The following ATRNL1 variants were observed in gnomAD, a reference collection of about 807,000 sequenced individuals.
ATRNL1 encodes the protein attractin like 1.
A neutral mutation model predicts 182.7 loss-of-function variants in ATRNL1; 95 were observed. The observed-to-expected ratio is 0.52, with a 90% CI of 0.44 to 0.62. The LOEUF is 0.62. Ranked by LOEUF, ATRNL1 falls within the 20% of genes least tolerant of loss-of-function variation. ATRNL1 has a pLI of 0.00. For synonymous variants in ATRNL1, 576 were observed against 568.3 expected, an observed-to-expected ratio of 1.01 and a Z score of -0.19; for missense variants, 1,471 against 1,679.5, an observed-to-expected ratio of 0.88 and a Z score of 2.17.
At chr10:115,727,171 A>T in intron 26 of ATRNL1, 77 bp from the exon 27 acceptor site, 1 of 992,304 alleles carries the variant, frequency 1.0e-6, no homozygotes, top group South Asian at 1.4e-5. Flanking sequence ...CATTTGTTAA[A>T]AGAGGGAACC....
intron 27 of ATRNL1, among the ~76,000 whole-genome samples, chr10:115,772,851 T>G (rs1419740566): frequency 6.6e-6 from 1 of 152,160 alleles, no homozygotes; most frequent in Non-Finnish European, 1.5e-5. Flanking sequence ...ACCTGCATGA[T>G]TCAGCTGTAC....
At chr10:115,255,164 C>T (rs1554906422) in intron 10 of ATRNL1, among the ~76,000 whole-genome samples, 4 of 152,128 alleles carry the variant, frequency 2.6e-5, no homozygotes, top group African/African-American at 9.7e-5. Context: ...TTTTCCAATT[C>T]TGTGAAGAAA....
chr10:115,169,409 A>T (rs763502934), intron 7 of ATRNL1, among the ~76,000 whole-genome samples: 1 of 151,812 alleles, frequency 6.6e-6, no homozygotes, highest in Non-Finnish European at 1.5e-5. Context: ...GGGTTTCACC[A>T]TGTTGGCCAG....
intron 25 of ATRNL1, among the ~76,000 whole-genome samples, chr10:115,529,061 G>T (rs1010484708): frequency 2.0e-5 from 3 of 151,798 alleles, no homozygotes; most frequent in African/African-American, 7.3e-5. Flanking sequence ...TGTCTTCTGT[G>T]CCCATCAGGA....
At chr10:115,595,235 C>A (rs1055978001) in intron 26 of ATRNL1, among the ~76,000 whole-genome samples, 7 of 151,892 alleles carry the variant, frequency 4.6e-5, no homozygotes, top group Non-Finnish European at 5.9e-5. Flanking sequence ...TTTCTTCCTT[C>A]ATATTCTTCC....
chr10:115,909,533 T>C (rs954909556), intron 28 of ATRNL1: 1 of 150,366 alleles, frequency 6.7e-6, no homozygotes, highest in Non-Finnish European at 1.5e-5. Context: ...AAACCAGATC[T>C]GCTTGCCAGG....
At chr10:115,564,667 G>A (rs1853964687) in intron 26 of ATRNL1, among the ~76,000 whole-genome samples, 2 of 151,928 alleles carry the variant, frequency 1.3e-5, no homozygotes, top group South Asian at 4.2e-4. Context: ...ATGTTTCAGA[G>A]TTCAACATTG....
chr10:115,219,208 G>A lies in ATRNL1; in HGVS notation c.1532+3328G>A, dbSNP rs372403590. ...GATCGCGCCACTGCACTCCAGTCTG[G>A]GTGACAGAGTGAGACTCCATCTCAA... On this transcript the variant is annotated intron_variant, in intron 9 of 28. Coordinates refer to ENST00000355044, the MANE Select transcript of ATRNL1 (RefSeq NM_207303.4). 6.6e-5 allele frequency among the ~76,000 whole-genome samples: 10 copies of A among 150,588 alleles called. No individual in the cohort carries two copies. In the East Asian group the frequency reaches 1.6e-3, roughly 23 times the overall value.
At chr10:115,467,318 T>G (rs1417081717) in intron 23 of ATRNL1, 66 bp downstream of exon 23, 27 of 1,107,310 alleles carry the variant, frequency 2.4e-5, no homozygotes, top group Non-Finnish European at 3.4e-5. Flanking sequence ...TCTAACATGA[T>G]CTACTGTTAA....
At chr10:115,204,647 C>T (rs1226022608) in intron 8 of ATRNL1, among the ~76,000 whole-genome samples, 1 of 152,022 alleles carries the variant, frequency 6.6e-6, no homozygotes, top group Non-Finnish European at 1.5e-5. Flanking sequence ...CATTTTATCA[C>T]AGTGAATTAT....
intron 28 of ATRNL1, among the ~76,000 whole-genome samples, chr10:115,940,327 G>A (rs1229211681): frequency 2.6e-5 from 4 of 152,324 alleles, no homozygotes; most frequent in East Asian, 1.9e-4. Context: ...GGGGCCAGTC[G>A]TGACAGGGAT....
At chr10:115,743,283 T>C (rs937567693) in intron 27 of ATRNL1, among the ~76,000 whole-genome samples, 1 of 149,172 alleles carries the variant, frequency 6.7e-6, no homozygotes, top group East Asian at 2.0e-4. Flanking sequence ...ATGTACTATA[T>C]ACCCTACATG....
intron 26 of ATRNL1, among the ~76,000 whole-genome samples, chr10:115,597,346 G>T (rs909732655): frequency 7.9e-5 from 12 of 152,018 alleles, no homozygotes; most frequent in Non-Finnish European, 4.4e-5. Context: ...GTTGAGAAAT[G>T]AAGTAAATGT....
At chr10:115,154,227 C>T (rs937641264) in intron 5 of ATRNL1, among the ~76,000 whole-genome samples, 14 of 151,018 alleles carry the variant, frequency 9.3e-5, no homozygotes, top group African/African-American at 3.2e-4. Flanking sequence ...CTATTAGGTC[C>T]GCTTGGTGCA....
At chr10:115,569,102 G>A (rs1225147170) in intron 26 of ATRNL1, among the ~76,000 whole-genome samples, 1 of 151,936 alleles carries the variant, frequency 6.6e-6, no homozygotes, top group Non-Finnish European at 1.5e-5. Flanking sequence ...ATATTAGAAT[G>A]TGAAAAACCT....
At chr10:115,373,769 T>C (rs2134205906) in intron 19 of ATRNL1, among the ~76,000 whole-genome samples, 1 of 152,004 alleles carries the variant, frequency 6.6e-6, no homozygotes, top group South Asian at 2.1e-4. Context: ...TGAGTTTGTT[T>C]CATAATATTT....
chr10:115,472,932 A>T (rs925420914), intron 24 of ATRNL1, among the ~76,000 whole-genome samples: 39 of 151,200 alleles, frequency 2.6e-4, no homozygotes, highest in Admixed American at 5.3e-4. Context: ...ATTAGAGGAA[A>T]AACCTTCTGC....
intron 17 of ATRNL1, among the ~76,000 whole-genome samples, chr10:115,312,535 G>T (rs970099847): frequency 6.6e-6 from 1 of 152,082 alleles, no homozygotes; most frequent in Non-Finnish European, 1.5e-5. Context: ...AGTGCTCTTA[G>T]AATTCTTTTA....
At chr10:115,314,652 A>G (rs1854202115) in intron 17 of ATRNL1, among the ~76,000 whole-genome samples, 1 of 152,224 alleles carries the variant, frequency 6.6e-6, no homozygotes, top group African/African-American at 2.4e-5. Flanking sequence ...CTCTCAGCTT[A>G]ATGTAAGATG....
Sources: allele counts gnomAD v4.1 joint callset (sites outside exome capture counted in the v4.1 genomes callset), GRCh38; gene constraint gnomAD v4.1.1; transcripts MANE v1.5; gene names NCBI Gene and HGNC (gene_info 2026-07-23, HGNC 2026-07-21).